Variants in EDIL3 observed in about 807,000 individuals in gnomAD.
The protein encoded by EDIL3 is EGF-like repeat and discoidin I-like domain-containing protein 3.
In EDIL3, 37 loss-of-function variants were observed where a neutral mutation model predicts 67.4. The ratio of observed to expected loss-of-function variants is 0.55; its 90% CI spans 0.42 to 0.72. EDIL3 has a LOEUF of 0.72. Ranked by LOEUF, EDIL3 falls within the 30% of genes least tolerant of loss-of-function variation. The pLI is 0.00. For missense variants in EDIL3, 527 were observed against 586.3 expected, an observed-to-expected ratio of 0.90 and a Z score of 1.04; for synonymous variants, 195 against 196.3, an observed-to-expected ratio of 0.99 and a Z score of 0.05.
At chr5:84,209,038 T>C (rs1223322120) in intron 3 of EDIL3, among the ~76,000 whole-genome samples, 1 of 152,170 alleles carries the variant, frequency 6.6e-6, no homozygotes, top group Non-Finnish European at 1.5e-5. Context: ...TGGAATACTA[T>C]GCAGCCATAA....
chr5:84,292,264 T>C (rs1745938939), intron 1 of EDIL3, among the ~76,000 whole-genome samples: 1 of 152,106 alleles, frequency 6.6e-6, no homozygotes, highest in Non-Finnish European at 1.5e-5. Context: ...CTAACAATAA[T>C]TGGAAATATC....
intron 2 of EDIL3, among the ~76,000 whole-genome samples, chr5:84,240,448 T>C (rs557706298): frequency 3.9e-5 from 6 of 152,232 alleles, no homozygotes; most frequent in East Asian, 1.9e-4. Context: ...CCAACTTCCA[T>C]GGGGCATGAA....
chr5:84,153,360 G>A (rs1009607707), intron 4 of EDIL3, among the ~76,000 whole-genome samples: 2 of 151,970 alleles, frequency 1.3e-5, no homozygotes, highest in Non-Finnish European at 1.5e-5. Context: ...GCAGTGGCAC[G>A]ACCTCGGCTC....
At chr5:84,184,717 T>A (rs964061289) in intron 3 of EDIL3, among the ~76,000 whole-genome samples, 8 of 152,174 alleles carry the variant, frequency 5.3e-5, no homozygotes, top group Non-Finnish European at 8.8e-5. Flanking sequence ...CAGCGGTTTC[T>A]TAAGTCCCAA....
intron 3 of EDIL3, chr5:84,196,843 G>A (rs1316391429): frequency 6.6e-6 from 1 of 151,936 alleles, no homozygotes; most frequent in Non-Finnish European, 1.5e-5. Flanking sequence ...TATAAAATAA[G>A]ACTAGAAACA....
At chr5:84,086,398 G>C (rs548358939) in intron 6 of EDIL3, among the ~76,000 whole-genome samples, 58 of 152,212 alleles carry the variant, frequency 3.8e-4, no homozygotes, top group African/African-American at 1.3e-3. Flanking sequence ...CCTTGTTTTG[G>C]GGGAGGGCAG....
chr5:84,243,634 T>C (rs1270875978), intron 2 of EDIL3, among the ~76,000 whole-genome samples: 1 of 152,186 alleles, frequency 6.6e-6, no homozygotes, highest in Non-Finnish European at 1.5e-5. Flanking sequence ...AAGGTGTTAA[T>C]TCTTATTTGA....
chr5:84,060,508 C>T, intron 8 of EDIL3, 24 bp from the exon 9 acceptor site: 1 of 1,610,074 alleles, frequency 6.2e-7, no homozygotes, highest in Middle Eastern at 1.7e-4. Context: ...AGAAGGGCTC[C>T]ATGAGAAAAA....
intron 9 of EDIL3, among the ~76,000 whole-genome samples, chr5:84,059,766 C>A (rs1746509617): frequency 6.6e-6 from 1 of 152,136 alleles, no homozygotes; most frequent in African/African-American, 2.4e-5. Flanking sequence ...CTGACTGTAA[C>A]CTTACTTCAT....
chr5:84,383,226 C>T lies in EDIL3; in HGVS notation c.67+1082G>A, dbSNP rs534632731. ...AAGGGGCCGCCCGCATCTGTGAGCG[C>T]AGGAGTGGCACAGCTCCCCCAGGCA... On this transcript the variant is annotated intron_variant, in intron 1 of 10. Coordinates refer to ENST00000296591, the MANE Select transcript of EDIL3 (RefSeq NM_005711.5). Among the ~76,000 whole-genome samples, 111 of 152,284 alleles carry T rather than the reference C, an allele frequency of 7.3e-4. 6 individuals carry two copies. Among genetic ancestry groups the T allele is most frequent in the Admixed American group, 6.4e-3 (98 of 15,304 alleles).
chr5:84,359,434 A>C (rs1747551734), intron 1 of EDIL3, among the ~76,000 whole-genome samples: 1 of 152,236 alleles, frequency 6.6e-6, no homozygotes, highest in African/African-American at 2.4e-5. Context: ...AATAACAAAC[A>C]CAAGACTTAA....
chr5:84,310,787 C>T (rs560939383), intron 1 of EDIL3, among the ~76,000 whole-genome samples: 9 of 152,236 alleles, frequency 5.9e-5, no homozygotes, highest in Admixed American at 5.2e-4. Context: ...GTATGGAGCT[C>T]CATGTGTACA....
chr5:84,243,136 A>G (rs1344392598), intron 2 of EDIL3, among the ~76,000 whole-genome samples: 1 of 152,098 alleles, frequency 6.6e-6, no homozygotes, highest in Admixed American at 6.5e-5. Flanking sequence ...TAAAGGGAAA[A>G]GGGTGAGGAA....
At chr5:84,040,275 G>A (rs1403230560) in intron 9 of EDIL3, among the ~76,000 whole-genome samples, 1 of 152,088 alleles carries the variant, frequency 6.6e-6, no homozygotes, top group Non-Finnish European at 1.5e-5. Context: ...CCATATTAAC[G>A]TGCATCATGC....
intron 3 of EDIL3, among the ~76,000 whole-genome samples, chr5:84,214,412 C>T (rs922015314): frequency 3.9e-5 from 6 of 151,940 alleles, no homozygotes; most frequent in Non-Finnish European, 2.9e-5. Flanking sequence ...CCCCCCGCCA[C>T]TTTACATCAT....
chr5:84,108,106 A>G (rs1258594465), intron 5 of EDIL3, among the ~76,000 whole-genome samples: 2 of 151,634 alleles, frequency 1.3e-5, no homozygotes, highest in Non-Finnish European at 1.5e-5. Flanking sequence ...TCAAAATCCA[A>G]CATTTGTCAG....
intron 8 of EDIL3, among the ~76,000 whole-genome samples, chr5:84,063,777 G>T (rs1746583650): frequency 6.6e-6 from 1 of 152,040 alleles, no homozygotes; most frequent in Admixed American, 6.6e-5. Context: ...ATTTGGTAAA[G>T]GTTTTTCCTC....
intron 3 of EDIL3, among the ~76,000 whole-genome samples, chr5:84,211,274 G>GA (rs1011082607): frequency 6.6e-6 from 1 of 152,086 alleles, no homozygotes; most frequent in African/African-American, 2.4e-5. Context: ...ACTGGTTGTT[G>GA]AAAAGAGACT....
At chr5:84,019,075 G>T (rs966677701) in intron 9 of EDIL3, among the ~76,000 whole-genome samples, 1 of 152,098 alleles carries the variant, frequency 6.6e-6, no homozygotes, top group African/African-American at 2.4e-5. Context: ...AAATCATGCT[G>T]CTATAAAGAC....
Sources: gnomAD v4.1 joint callset for allele counts (sites outside exome capture counted in the v4.1 genomes callset) on GRCh38, gnomAD v4.1.1 for gene constraint, MANE v1.5 for transcripts, NCBI Gene and HGNC (gene_info 2026-07-23, HGNC 2026-07-21) for gene names.